Variants in DDX31 observed in about 807,000 individuals in gnomAD.
DDX31 encodes the protein DEAD-box helicase 31.
A neutral mutation model predicts 91.3 loss-of-function variants in DDX31; 70 were observed. That is an observed-to-expected ratio of 0.77 (90% confidence interval 0.63 to 0.94). The LOEUF is 0.94. DDX31 is among the 40% of genes least tolerant of loss of function. DDX31 has a pLI of 0.00. For synonymous variants in DDX31, 362 were observed against 350.6 expected, an observed-to-expected ratio of 1.03 and a Z score of -0.36; for missense variants, 902 against 925.0, an observed-to-expected ratio of 0.98 and a Z score of 0.32.
At chr9:132,606,317 G>A (rs1370884245) in intron 19 of DDX31, among the ~76,000 whole-genome samples, 1 of 152,214 alleles carries the variant, frequency 6.6e-6, no homozygotes, top group Non-Finnish European at 1.5e-5. Context: ...AAATTGGCAG[G>A]CAAGCTGCTC....
At chr9:132,666,695 GTTTGTTT>G (rs1835332725) in intron 1 of DDX31, among the ~76,000 whole-genome samples, 3 of 149,204 alleles carry the variant, frequency 2.0e-5, no homozygotes, top group African/African-American at 7.4e-5. Context: ...CTATTTTTGT[GTTTGTTT>G]TTTGTTTTTG....
intron 19 of DDX31, among the ~76,000 whole-genome samples, chr9:132,599,816 C>A (rs1372830145): frequency 6.6e-6 from 1 of 152,264 alleles, no homozygotes; most frequent in Non-Finnish European, 1.5e-5. Context: ...TGTTCCAGGG[C>A]CACGGCTAGG....
chr9:132,619,318 G>A (rs947310813), intron 17 of DDX31, among the ~76,000 whole-genome samples: 14 of 152,148 alleles, frequency 9.2e-5, no homozygotes, highest in Non-Finnish European at 1.6e-4. Flanking sequence ...CACCCAATGA[G>A]GCCAACCTGC....
intron 7 of DDX31, 141 bp from the exon 8 acceptor site, chr9:132,651,257 A>ATTGTG: frequency 1.5e-6 from 1 of 682,520 alleles, no homozygotes; most frequent in Non-Finnish European, 2.5e-6. Flanking sequence ...ACAGAATCTA[A>ATTGTG]TATACCTTGT....
chr9:132,659,713 A>G lies in DDX31; in HGVS notation c.520T>C (p.Ser174Pro). ...RDALVRSQTG[S>P]GKTLAYCIPV... Reference sequence around the variant, plus strand: ...GCAGAGATGAAATGAGACTAACCTGAGCCCGTCTGGGATCTCACGAGAGCA... The same window carrying G: ...GCAGAGATGAAATGAGACTAACCTGGGCCCGTCTGGGATCTCACGAGAGCA... Residue 174 changes from serine to proline, a missense_variant, in exon 5 of 20, where the codon TCA (serine) becomes CCA (proline). By Grantham distance (74) the Ser-to-Pro change is moderately conservative. Coordinates refer to ENST00000372159, the MANE Select transcript of DDX31 (RefSeq NM_022779.9). The G allele has an allele frequency of 1.2e-6, 2 of 1,609,586 alleles. No individual in the cohort carries two copies. The highest frequency in any genetic ancestry group is 1.7e-6 in the Non-Finnish European group (2 of 1,177,610).
rs776922153 is a variant in DDX31 at position 132,593,002 on chromosome 9, GAGAA to G, written c.*1860_*1863del. The G allele has an allele frequency of 3.9e-5, 6 of 152,162 alleles. No individual in the cohort carries two copies. The highest frequency in any genetic ancestry group is 5.9e-5 in the Non-Finnish European group (4 of 68,034). The allele number at this position is 152,162 out of a possible 1,614,324, so 9.4% of individuals were successfully genotyped here. ...TAATCTGTCAAGAGCCATAATAGAA[GAGAA>G]AGAGATTTATTTTAAGGTTATTTAA... On this transcript the variant is annotated 3_prime_UTR_variant, in exon 20 of 20. Transcript: ENST00000372159.
In DDX31 at chr9:132,632,059, T is replaced by G; in HGVS notation, c.1473A>C (p.Gln491His). ...AAATTACCTGAACAATCCACGTGACTTGAGGGAGATCTAAGCCCCGAGCTG... is the reference window on the plus strand; with the variant it reads ...AAATTACCTGAACAATCCACGTGACGTGAGGGAGATCTAAGCCCCGAGCTG... ...DVAARGLDLP[Q>H]VTWIVQYNAP... Residue 491 changes from glutamine (Q) to histidine (H), a missense_variant, in exon 15 of 20, where the codon CAA (glutamine) becomes CAC (histidine). Coordinates refer to ENST00000372159, the MANE Select transcript of DDX31 (RefSeq NM_022779.9). The G allele has an allele frequency of 6.2e-7, 1 of 1,613,358 alleles. No homozygotes were observed. Among genetic ancestry groups the G allele is most frequent in the Non-Finnish European group, 8.5e-7 (1 of 1,179,546 alleles).
intron 9 of DDX31, among the ~76,000 whole-genome samples, chr9:132,649,786 T>C (rs1342139725): frequency 1.3e-5 from 2 of 152,242 alleles, no homozygotes; most frequent in Non-Finnish European, 2.9e-5. Flanking sequence ...GATTTTCAAC[T>C]GACACCCATT....
intron 6 of DDX31, among the ~76,000 whole-genome samples, chr9:132,654,715 G>A (rs1350530179): frequency 6.6e-6 from 1 of 152,148 alleles, no homozygotes; most frequent in Non-Finnish European, 1.5e-5. Flanking sequence ...GGAGGCCAAG[G>A]CGGGTGGATC....
chr9:132,644,258 T>C (rs540094789), intron 13 of DDX31, among the ~76,000 whole-genome samples: 11 of 152,244 alleles, frequency 7.2e-5, no homozygotes, highest in Non-Finnish European at 1.6e-4. Flanking sequence ...AAAACAACTT[T>C]TAAACTATAA....
intron 19 of DDX31, among the ~76,000 whole-genome samples, chr9:132,600,771 C>T (rs896575889): frequency 1.3e-5 from 2 of 152,134 alleles, no homozygotes; most frequent in East Asian, 3.9e-4. Context: ...GTGCTGGGGA[C>T]GGGCAGAGGA....
intron 19 of DDX31, 121 bp downstream of exon 19, chr9:132,611,966 T>G: frequency 1.5e-6 from 2 of 1,341,310 alleles, no homozygotes; most frequent in Non-Finnish European, 2.0e-6. Flanking sequence ...AAGTGCTTGT[T>G]TATTGGGAGA....
At chr9:132,637,048 T>C (rs964492182) in intron 14 of DDX31, among the ~76,000 whole-genome samples, 4 of 152,188 alleles carry the variant, frequency 2.6e-5, no homozygotes, top group African/African-American at 9.7e-5. Context: ...AAATCTCACT[T>C]ATCCTGGTGA....
intron 18 of DDX31, among the ~76,000 whole-genome samples, chr9:132,616,414 C>T (rs531983947): frequency 1.3e-5 from 2 of 152,298 alleles, no homozygotes; most frequent in Admixed American, 6.5e-5. Flanking sequence ...AAACCACATC[C>T]TTTAAGAATT....
intron 19 of DDX31, among the ~76,000 whole-genome samples, chr9:132,601,339 T>C (rs1275323088): frequency 6.6e-6 from 1 of 152,222 alleles, no homozygotes; most frequent in Non-Finnish European, 1.5e-5. Context: ...CTGTCACATA[T>C]GCAAATGGAC....
intron 19 of DDX31, among the ~76,000 whole-genome samples, chr9:132,611,386 G>A (rs1831329731): frequency 6.6e-6 from 1 of 152,206 alleles, no homozygotes; most frequent in Non-Finnish European, 1.5e-5. Flanking sequence ...TGTGAGGGCT[G>A]AGGCTGGTAC....
At chr9:132,624,008 T>C (rs957928037) in intron 17 of DDX31, among the ~76,000 whole-genome samples, 17 of 150,780 alleles carry the variant, frequency 1.1e-4, no homozygotes, top group Non-Finnish European at 1.3e-4. Flanking sequence ...CTACTAAAAA[T>C]ACGAAAAAAT....
At position 132,669,762 on chromosome 9, in the gene DDX31, A is replaced by G. The variant is rs1017347212; in HGVS notation, c.75+98T>C. 3.9e-6 allele frequency: 6 copies of G among 1,523,442 alleles called. No homozygotes were observed. In the African/African-American group the frequency reaches 6.9e-5, roughly 17 times the overall value. The allele number at this position is 1,523,442 out of a possible 1,614,324, so 94.4% of individuals were successfully genotyped here. On this transcript the variant is annotated intron_variant, in intron 1 of 19. Transcript: ENST00000372159. ...GTCTTTCTCCCGCTTAACTCCGTGA[A>G]TGACTCGAAACCCGACTCCAAGGCA...
At chr9:132,642,197 A>AATCCGCTTCTTCCTCTTTCCT in intron 13 of DDX31, 134 bp from the exon 14 acceptor site, 2 of 776,856 alleles carry the variant, frequency 2.6e-6, no homozygotes, top group Non-Finnish European at 4.3e-6. Flanking sequence ...GCCAGGAAAG[A>AATCCGCTTCTTCCTCTTTCCT]GGAAGAAGCG....
Sources: allele counts gnomAD v4.1 joint callset (sites outside exome capture counted in the v4.1 genomes callset), GRCh38; gene constraint gnomAD v4.1.1; transcripts MANE v1.5; gene names NCBI Gene and HGNC (gene_info 2026-07-23, HGNC 2026-07-21).